TUBA8: variants seen among roughly 807,000 people sequenced by gnomAD.
TUBA8 encodes tubulin alpha-8 chain.
TUBA8 carries 29 observed loss-of-function variants against 34.7 expected under a neutral mutation model. That is an observed-to-expected ratio of 0.84 (90% CI 0.62 to 1.14). TUBA8 has a LOEUF of 1.14. TUBA8 is among the 50% of genes most tolerant of loss of function. The pLI, the probability that TUBA8 is intolerant of heterozygous loss-of-function variation, is 0.00. For synonymous variants in TUBA8, 226 were observed against 231.2 expected (o/e 0.98, Z 0.21); for missense variants, 541 against 599.2 (o/e 0.90, Z 1.01).
At chr22:18,130,772 TC>T (rs1336225146) in intron 4 of TUBA8, 70 bp from the exon 5 acceptor site, 1 of 1,601,086 alleles carries the variant, frequency 6.2e-7, no homozygotes. Flanking sequence ...GACCAAGATG[TC>T]CCATCCTGAG....
chr22:18,122,066 C>T lies in TUBA8; in HGVS notation c.226+365C>T, dbSNP rs375268959. The T allele has an allele frequency of 7.9e-4, 196 of 247,902 alleles. 7 individuals carry two copies. The South Asian group carries it at 0.011, about 14-fold the overall frequency. The allele number at this position is 247,902 out of a possible 1,614,324, so 15.4% of individuals were successfully genotyped here. A position where few individuals can be genotyped will look rare whatever the true frequency, so the allele number is the denominator to read the frequency against. ...AAGTATAGGTTTCTGAGTCTGCCCTCGGGGTGGGTATAACCTCACAGCATC... is the reference window on the plus strand; with the variant it reads ...AAGTATAGGTTTCTGAGTCTGCCCTTGGGGTGGGTATAACCTCACAGCATC... On this transcript the variant is annotated intron_variant, in intron 2 of 4. Coordinates refer to ENST00000330423, the MANE Select transcript of TUBA8 (RefSeq NM_018943.3).
At chr22:18,112,659 C>T (rs533058166) in intron 1 of TUBA8, 8 of 152,274 alleles carry the variant, frequency 5.3e-5, no homozygotes, top group African/African-American at 1.4e-4. Flanking sequence ...TTTGAACGTG[C>T]TTAAGAATTT....
chr22:18,121,434 T>A lies in TUBA8; in HGVS notation c.4-45T>A, dbSNP rs753922198. ...ATGGGGATGTAGGGCAAAGGCATGC[T>A]GGGGGCCCAGACTCTCTGACCTCGT... On this transcript the variant is annotated intron_variant, in intron 1 of 4. Coordinates refer to ENST00000330423, the MANE Select transcript of TUBA8 (RefSeq NM_018943.3). This position sits in a 1 kb window ranked among gnomAD's most constrained non-coding sequence, Gnocchi z 4.8. The A allele has an allele frequency of 6.4e-7, 1 of 1,560,968 alleles. No homozygotes were observed. Among genetic ancestry groups the A allele is most frequent in the Non-Finnish European group, 8.8e-7 (1 of 1,131,620 alleles).
chr22:18,121,363 C>A lies in TUBA8; in HGVS notation c.4-116C>A. ...GGGGCACCTGCAGCCTCAACGCCAA[C>A]TGGCAATGGGGGGCTGGGGCCTGGC... On this transcript the variant is annotated intron_variant, in intron 1 of 4. Coordinates refer to ENST00000330423, the MANE Select transcript of TUBA8 (RefSeq NM_018943.3). This position sits in a 1 kb window ranked among gnomAD's most constrained non-coding sequence, Gnocchi z 4.8. The A allele has an allele frequency of 1.1e-6, 1 of 897,012 alleles. No individual in the cohort carries two copies. Among genetic ancestry groups the A allele is most frequent in the Non-Finnish European group, 1.8e-6 (1 of 540,966 alleles). 55.6% of individuals were successfully genotyped at this position (897,012 alleles called of 1,614,324 possible). A position where few individuals can be genotyped will look rare whatever the true frequency, so the allele number is the denominator to read the frequency against.
In TUBA8 at chr22:18,121,851, T is replaced by TG; in HGVS notation, c.226+154dup. On this transcript the variant is annotated intron_variant, in intron 2 of 4. Coordinates refer to ENST00000330423, the MANE Select transcript of TUBA8 (RefSeq NM_018943.3). This position sits in a 1 kb window ranked among gnomAD's most constrained non-coding sequence, Gnocchi z 4.8. ...CCCCACGTGACATCTGTCAGCTCCT[T>TG]GGGGTCCCCACAGTCTCGGGGAATC... 1 of 705,174 alleles carries TG rather than the reference T, an allele frequency of 1.4e-6. No individual in the cohort carries two copies. Among genetic ancestry groups the TG allele is most frequent in the Non-Finnish European group, 2.4e-6 (1 of 414,626 alleles). The allele number at this position is 705,174 out of a possible 1,614,324, so 43.7% of individuals were successfully genotyped here.
At chr22:18,113,683 GTTGA>G (rs1207797635) in intron 1 of TUBA8, 1 of 152,068 alleles carries the variant, frequency 6.6e-6, no homozygotes, top group African/African-American at 2.4e-5. Context: ...GCTCTGTGGA[GTTGA>G]TAGGTGTATT....
chr22:18,122,243 T>G (rs535878005), intron 2 of TUBA8: 2 of 156,088 alleles, frequency 1.3e-5, no homozygotes, highest in Non-Finnish European at 2.8e-5. Flanking sequence ...CCCCCAGTAG[T>G]GCCACTTCCC....
At chr22:18,125,119 G>A (rs1248341389) in intron 3 of TUBA8, 2 of 152,312 alleles carry the variant, frequency 1.3e-5, no homozygotes, top group South Asian at 2.1e-4. Flanking sequence ...GCTGACATCC[G>A]TGCTTACAAC....
At position 18,126,527 on chromosome 22, in the gene TUBA8, G is replaced by A. The variant is rs375636209; in HGVS notation, c.549G>A (p.Glu183=). 222 of 1,613,974 alleles carry A rather than the reference G, an allele frequency of 1.4e-4. No individual in the cohort carries two copies. The highest frequency in any genetic ancestry group is 1.7e-4 in the Non-Finnish European group (198 of 1,180,030). The change falls in exon 4 of 5, where the codon GAG becomes GAA. Residue 183 remains glutamate, a synonymous_variant. Coordinates refer to ENST00000330423, the MANE Select transcript of TUBA8 (RefSeq NM_018943.3). This position sits in a 1 kb window ranked among gnomAD's most constrained non-coding sequence, Gnocchi z 4.0. ...PAPQVSTAVV[E]PYNSILTTHT... ...CCCAGGTCTCTACTGCAGTGGTGGA[G>A]CCCTACAACTCCATCCTGACCACCC...
At position 18,121,074 on chromosome 22, in the gene TUBA8, G is replaced by C. The variant is rs936121059; in HGVS notation, c.4-405G>C. 1 of 266,786 alleles carries C rather than the reference G, an allele frequency of 3.7e-6. No homozygotes were observed. The highest frequency in any genetic ancestry group is 2.2e-5 in the African/African-American group (1 of 45,714). 16.5% of individuals were successfully genotyped at this position (266,786 alleles called of 1,614,324 possible). A position where few individuals can be genotyped will look rare whatever the true frequency, so the allele number is the denominator to read the frequency against. ...TGTGTGCACAATGTCAGAAAGTCAG[G>C]GTCAGGAGCAGCTGTGAATGCTGCC... On this transcript the variant is annotated intron_variant, in intron 1 of 4. Transcript: ENST00000330423. This position sits in a 1 kb window ranked among gnomAD's most constrained non-coding sequence, Gnocchi z 4.8.
In TUBA8 at chr22:18,131,489, C is replaced by A; in HGVS notation, c.*353C>A. On this transcript the variant is annotated 3_prime_UTR_variant, in exon 5 of 5. Transcript: ENST00000330423. This position sits in a 1 kb window ranked among gnomAD's most constrained non-coding sequence, Gnocchi z 5.3. ...TGGCCTGCTGGCTGGGGAGTGGGAA[C>A]ACTCAGAGAAAGGGGAGATCTGGGC... 1 of 334,766 alleles carries A rather than the reference C, an allele frequency of 3.0e-6. No homozygotes were observed. Among genetic ancestry groups the A allele is most frequent in the South Asian group, 2.8e-5 (1 of 35,334 alleles). The allele number at this position is 334,766 out of a possible 1,614,324, so 20.7% of individuals were successfully genotyped here. A position where few individuals can be genotyped will look rare whatever the true frequency, so the allele number is the denominator to read the frequency against.
chr22:18,123,707 T>A (rs1046468787), intron 2 of TUBA8: 1 of 215,424 alleles, frequency 4.6e-6, no homozygotes, highest in Admixed American at 5.1e-5. Flanking sequence ...TCCGAGTAGC[T>A]GGGACTACAG....
intron 2 of TUBA8, chr22:18,122,628 A>G (rs1179159246): frequency 6.6e-6 from 1 of 152,082 alleles, no homozygotes; most frequent in Non-Finnish European, 1.5e-5. Flanking sequence ...TTGCTCCTCT[A>G]TGACTTGGAA....
chr22:18,121,437 G>C lies in TUBA8; in HGVS notation c.4-42G>C, dbSNP rs1040553475. 4.5e-6 allele frequency: 7 copies of C among 1,565,558 alleles called. No individual in the cohort carries two copies. In the African/African-American group the frequency reaches 9.5e-5, roughly 21 times the overall value. On this transcript the variant is annotated intron_variant, in intron 1 of 4. Transcript: ENST00000330423. The surrounding 1 kb of genome is among the most constrained non-coding windows in gnomAD (Gnocchi z 4.8). The stretch of plus-strand genomic sequence containing the variant: ...GGGATGTAGGGCAAAGGCATGCTGG[G>C]GGCCCAGACTCTCTGACCTCGTTGC...
In TUBA8 at chr22:18,124,385, G is replaced by A. The variant is rs1928254898; in HGVS notation, c.375+81G>A. ...CCCATGCCTCTTTGATCAGGCTAGG[G>A]AGAGGCATCTGACCCCTGGCTATAG... On this transcript the variant is annotated intron_variant, in intron 3 of 4. Transcript: ENST00000330423. The surrounding 1 kb of genome is among the most constrained non-coding windows in gnomAD (Gnocchi z 4.3). The A allele has an allele frequency of 4.0e-6, 6 of 1,491,714 alleles. No homozygotes were observed. In the South Asian group the frequency reaches 5.2e-5, roughly 13 times the overall value. The allele number at this position is 1,491,714 out of a possible 1,614,324, so 92.4% of individuals were successfully genotyped here. A position where few individuals can be genotyped will look rare whatever the true frequency, so the allele number is the denominator to read the frequency against.
Position 18,131,429 on chromosome 22 carries a change from C to G in TUBA8, c.*293C>G. Reference sequence around the variant, plus strand: ...TGCGAGGAGGCCTAATCAGGAGTTTCAATTCCAGATCGGGCTGGGTCCAGC... The same window carrying G: ...TGCGAGGAGGCCTAATCAGGAGTTTGAATTCCAGATCGGGCTGGGTCCAGC... On this transcript the variant is annotated 3_prime_UTR_variant, in exon 5 of 5. Transcript: ENST00000330423. This position sits in a 1 kb window ranked among gnomAD's most constrained non-coding sequence, Gnocchi z 5.3. The G allele has an allele frequency of 2.4e-6, 1 of 411,950 alleles. No homozygotes were observed. Among genetic ancestry groups the G allele is most frequent in the South Asian group, 2.4e-5 (1 of 42,424 alleles). The allele number at this position is 411,950 out of a possible 1,614,324, so 25.5% of individuals were successfully genotyped here.
At chr22:18,120,031 G>C (rs1326559074) in intron 1 of TUBA8, 1 of 152,270 alleles carries the variant, frequency 6.6e-6, no homozygotes, top group Admixed American at 6.5e-5. Flanking sequence ...TGCTTCCCCA[G>C]GGCAGGGTGT....
At position 18,127,049 on chromosome 22, in the gene TUBA8, CTT is replaced by C. The variant is rs1414154608; in HGVS notation, c.1056+16_1056+17del. ...CAGGCTTCAAGGTGAGAGCTGATGA[CTT>C]AGGAAGGGGAGAGAGGACTAGAGAA... On this transcript the variant is annotated intron_variant, in intron 4 of 4. Coordinates refer to ENST00000330423, the MANE Select transcript of TUBA8 (RefSeq NM_018943.3). 6.2e-7 allele frequency: 1 copy of C among 1,613,654 alleles called. No homozygotes were observed. The highest frequency in any genetic ancestry group is 1.3e-5 in the African/African-American group (1 of 74,888).
chr22:18,118,693 C>T lies in TUBA8; in HGVS notation c.4-2786C>T, dbSNP rs549559107. The T allele has an allele frequency of 1.3e-5, 2 of 152,270 alleles. No individual in the cohort carries two copies. The highest frequency in any genetic ancestry group is 3.9e-4 in the East Asian group (2 of 5,186). The allele number at this position is 152,270 out of a possible 1,614,324, so 9.4% of individuals were successfully genotyped here. ...AGTCATTTCTGAGTCTATTTTATGC[C>T]TCCAATTATTCTTATGAGCTAGTTC... On this transcript the variant is annotated intron_variant, in intron 1 of 4. Coordinates refer to ENST00000330423, the MANE Select transcript of TUBA8 (RefSeq NM_018943.3). The surrounding 1 kb of genome is among the most constrained non-coding windows in gnomAD (Gnocchi z 4.0).
Sources: gnomAD v4.1 joint callset for allele counts on GRCh38, gnomAD v4.1.1 for gene constraint, Gnocchi (gnomAD v3.1) non-coding constraint, MANE v1.5 for transcripts, NCBI Gene and HGNC (gene_info 2026-07-23, HGNC 2026-07-21) for gene names.